The following CHEK2 variants were observed in gnomAD, a reference collection of about 807,000 sequenced individuals.
CHEK2 encodes the protein checkpoint kinase 2, also known as serine/threonine-protein kinase Chk2.
Under a neutral mutation model 69.1 loss-of-function variants are expected in CHEK2, and 71 were observed. The ratio of observed to expected loss-of-function variants is 1.03; its 90% CI spans 0.85 to 1.25. The LOEUF (loss-of-function observed/expected upper bound fraction) is 1.25, where lower values mean the gene tolerates loss of function less well. Among genes scored for constraint, CHEK2 ranks in the 50% most tolerant of loss-of-function variants. CHEK2 has a pLI of 0.00. For synonymous variants in CHEK2, 189 were observed against 226.9 expected, an observed-to-expected ratio of 0.83 and a Z score of 1.50; for missense variants, 664 against 649.6, an observed-to-expected ratio of 1.02 and a Z score of -0.24.
At chr22:28,719,997 A>T (rs2053717177) in intron 4 of CHEK2, among the ~76,000 whole-genome samples, 1 of 152,148 alleles carries the variant, frequency 6.6e-6, no homozygotes, top group South Asian at 2.1e-4. Flanking sequence ...TATAGTGCAA[A>T]CCATATTCAA....
rs869312551 is a variant in CHEK2 at position 28,709,342 on chromosome 22, G to A, written c.846+664C>T. On this transcript the variant is annotated intron_variant, in intron 7 of 14. Coordinates refer to ENST00000404276, the MANE Select transcript of CHEK2 (RefSeq NM_007194.4). ...GTATTCAAAAGTGGTAAAACTTCAG[G>A]TATAACTAAACCAAATTTACTAAAA... 9.9e-5 allele frequency among the ~76,000 whole-genome samples: 15 copies of A among 152,068 alleles called. No homozygotes were observed. Among genetic ancestry groups the A allele is most frequent in the Non-Finnish European group, 1.8e-4 (12 of 68,018 alleles).
intron 6 of CHEK2, among the ~76,000 whole-genome samples, chr22:28,710,625 T>G (rs2053359064): frequency 6.6e-6 from 1 of 152,178 alleles, no homozygotes; most frequent in Admixed American, 6.5e-5. Flanking sequence ...AGAGGAGGCT[T>G]CAGGGTACTA....
chr22:28,696,856 C>A (rs1382600520), intron 10 of CHEK2, 45 bp downstream of exon 10: 2 of 1,287,174 alleles, frequency 1.6e-6, no homozygotes, highest in East Asian at 2.3e-5. Flanking sequence ...AGTTTCTGAA[C>A]AAGAATCTAC....
intron 5 of CHEK2, chr22:28,712,270 G>A: frequency 6.2e-6 from 3 of 486,236 alleles, no homozygotes; most frequent in Non-Finnish European, 7.3e-6. Flanking sequence ...CTGTAGCCCT[G>A]GATTGTGAAA....
In CHEK2 at chr22:28,728,724, A is replaced by G. The variant is rs2054093071; in HGVS notation, c.320-3357T>C. Among the ~76,000 whole-genome samples, 3 of 152,112 alleles carry G rather than the reference A, an allele frequency of 2.0e-5. No homozygotes were observed. In the South Asian group the frequency reaches 6.2e-4, roughly 32 times the overall value. On this transcript the variant is annotated intron_variant, in intron 2 of 14. Transcript: ENST00000404276. The stretch of plus-strand genomic sequence containing the variant: ...GTCTCCAAAAAAACAAAACAAAACA[A>G]AAGACTGAATGAGTAATCAAAATAT...
rs558176833 is a variant in CHEK2 at position 28,710,357 on chromosome 22, G to T, written c.793-298C>A. On this transcript the variant is annotated intron_variant, in intron 6 of 14. Coordinates refer to ENST00000404276, the MANE Select transcript of CHEK2 (RefSeq NM_007194.4). ...CCATCTTACAGATGGGGCAACCAAG[G>T]CTCAGAAAACAGAAGCCACTTGCCC... is the stretch of plus-strand genomic sequence containing the variant. Among the ~76,000 whole-genome samples the T allele has an allele frequency of 6.6e-5, 10 of 152,304 alleles. No homozygotes were observed. The South Asian group carries it at 1.9e-3, about 28-fold the overall frequency.
Position 28,689,082 on chromosome 22 carries a change from T to C in CHEK2, c.1542+53A>G, listed in dbSNP as rs1198604405. The C allele has an allele frequency of 2.5e-6, 3 of 1,199,440 alleles. No individual in the cohort carries two copies. In the African/African-American group the frequency reaches 4.5e-5, roughly 18 times the overall value. The allele number at this position is 1,199,440 out of a possible 1,614,324, so 74.3% of individuals were successfully genotyped here. On this transcript the variant is annotated intron_variant, in intron 14 of 14. Coordinates refer to ENST00000404276, the MANE Select transcript of CHEK2 (RefSeq NM_007194.4). ...AATCTTGAATTTCATCATCTTTGCT[T>C]ATCAGCTCCTTAAGCCCAGACTACA...
chr22:28,720,949 G>T (rs557240826), intron 4 of CHEK2, among the ~76,000 whole-genome samples: 14 of 152,322 alleles, frequency 9.2e-5, no homozygotes, highest in African/African-American at 2.9e-4. Flanking sequence ...GAAGTGGGGA[G>T]AGAAAACACA....
chr22:28,727,201 C>T (rs1056998014), intron 2 of CHEK2, among the ~76,000 whole-genome samples: 1 of 152,086 alleles, frequency 6.6e-6, no homozygotes, highest in African/African-American at 2.4e-5. Flanking sequence ...GCCACCATGC[C>T]CAGCTAATTT....
intron 7 of CHEK2, among the ~76,000 whole-genome samples, chr22:28,704,805 A>G (rs1292040346): frequency 6.6e-6 from 1 of 152,212 alleles, no homozygotes; most frequent in Non-Finnish European, 1.5e-5. Context: ...TTAGATTCAA[A>G]AGAGTGGTAA....
In CHEK2 at chr22:28,701,101, T is replaced by A. The variant is rs573943032; in HGVS notation, c.909-1164A>T. On this transcript the variant is annotated intron_variant, in intron 8 of 14. Coordinates refer to ENST00000404276, the MANE Select transcript of CHEK2 (RefSeq NM_007194.4). ...ACCGTGCCCGGCTCTGTATTATCAC[T>A]TTTATTAACTGTGTTAACTGGATTC... Among the ~76,000 whole-genome samples the A allele has an allele frequency of 1.6e-4, 24 of 152,000 alleles. 1 individual carries two copies. The highest frequency in any genetic ancestry group is 1.4e-3 in the Admixed American group (22 of 15,256).
rs876658449 is a variant in CHEK2, at chr22:28,694,085, C to T, written c.1408G>A (p.Asp470Asn). 1 of 1,595,988 alleles carries T rather than the reference C, an allele frequency of 6.3e-7. No homozygotes were observed. ...LDLVKKLLVV[D>N]PKARFTTEEA... Reference sequence around the variant, plus strand: ...TCTGTCGTAAAACGTGCCTTTGGATCCACTACCAACAACTTCTTGACAAGG... The same window carrying T: ...TCTGTCGTAAAACGTGCCTTTGGATTCACTACCAACAACTTCTTGACAAGG... The change falls in exon 13 of 15, where the codon GAT becomes AAT. Residue 470 changes from aspartate to asparagine, a missense_variant. Physicochemically the swap from Asp to Asn is conservative, Grantham distance 23. Coordinates refer to ENST00000404276, the MANE Select transcript of CHEK2 (RefSeq NM_007194.4).
Position 28,725,319 on chromosome 22 carries a change from T to C in CHEK2, c.368A>G (p.Tyr123Cys), listed in dbSNP as rs876658557. ...YWFGRDKSCE[Y>C]CFDEPLLKRT... ...TTTCAGCAGTGGTTCATCAAAGCAA[T>C]ATTCACAGCTTTTGTCCCTCCCAAA... The change falls in exon 3 of 15, where the codon TAT (tyrosine) becomes TGT (cysteine). Residue 123 changes from tyrosine to cysteine, a missense_variant. Tyr to Cys is a radical substitution (Grantham distance 194). Transcript: ENST00000404276. 6 of 1,614,124 alleles carry C rather than the reference T, an allele frequency of 3.7e-6. No individual in the cohort carries two copies. The highest frequency in any genetic ancestry group is 4.5e-5 in the East Asian group (2 of 44,866).
At chr22:28,712,292 A>G in intron 5 of CHEK2, 1 of 444,144 alleles carries the variant, frequency 2.3e-6, no homozygotes, top group East Asian at 3.6e-5. Flanking sequence ...TCCCAGAAAG[A>G]TACTAAGAGA....
At chr22:28,732,179 T>G (rs924720786) in intron 2 of CHEK2, among the ~76,000 whole-genome samples, 14 of 152,034 alleles carry the variant, frequency 9.2e-5, no homozygotes, top group Admixed American at 2.0e-4. Context: ...TGGCGAGATC[T>G]CGGTTCACTG....
At chr22:28,738,756 G>A (rs571850796) in intron 1 of CHEK2, among the ~76,000 whole-genome samples, 9 of 152,104 alleles carry the variant, frequency 5.9e-5, no homozygotes, top group East Asian at 1.9e-4. Flanking sequence ...GGGTTTTTAC[G>A]TAAGACCTCA....
At chr22:28,689,109 T>A (rs2145747416) in intron 14 of CHEK2, 26 bp downstream of exon 14, 1 of 1,499,744 alleles carries the variant, frequency 6.7e-7, no homozygotes, top group Non-Finnish European at 9.2e-7. Context: ...CAGACTACAT[T>A]TAGTGATCAT....
At chr22:28,727,288 G>A (rs186255695) in intron 2 of CHEK2, among the ~76,000 whole-genome samples, 7 of 152,240 alleles carry the variant, frequency 4.6e-5, no homozygotes, top group South Asian at 2.1e-4. Context: ...TGATCCGCCC[G>A]CCTCGGCCTC....
At chr22:28,717,923 A>C (rs1436341662) in intron 5 of CHEK2, among the ~76,000 whole-genome samples, 1 of 152,016 alleles carries the variant, frequency 6.6e-6, no homozygotes, top group Non-Finnish European at 1.5e-5. Flanking sequence ...AAATAAAATA[A>C]AGTAAAAATT....
Sources: allele counts gnomAD v4.1 joint callset (sites outside exome capture counted in the v4.1 genomes callset), GRCh38; gene constraint gnomAD v4.1.1; transcripts MANE v1.5; gene names NCBI Gene and HGNC (gene_info 2026-07-23, HGNC 2026-07-21).